Variants in SLC16A7 observed in about 807,000 individuals in gnomAD.
SLC16A7 encodes monocarboxylate transporter 2.
A neutral mutation model predicts 34.9 loss-of-function variants in SLC16A7; 33 were observed. That is an observed-to-expected ratio of 0.94 (90% CI 0.72 to 1.26). The LOEUF (loss-of-function observed/expected upper bound fraction) is 1.26, where lower values mean the gene tolerates loss of function less well. Among genes scored for constraint, SLC16A7 ranks in the 50% most tolerant of loss-of-function variants. The pLI is 0.00. For missense variants in SLC16A7, 573 were observed against 578.1 expected, an observed-to-expected ratio of 0.99 and a Z score of 0.09; for synonymous variants, 201 against 206.6, an observed-to-expected ratio of 0.97 and a Z score of 0.23.
intron 1 of SLC16A7, among the ~76,000 whole-genome samples, chr12:59,635,279 A>G (rs1187310277): frequency 2.0e-5 from 3 of 152,066 alleles, no homozygotes; most frequent in Non-Finnish European, 4.4e-5. Context: ...ATATACAGGT[A>G]CAAAATGTAC....
intron 3 of SLC16A7, among the ~76,000 whole-genome samples, chr12:59,733,505 T>G (rs1877205194): frequency 6.6e-6 from 1 of 152,104 alleles, no homozygotes; most frequent in African/African-American, 2.4e-5. Context: ...GCTTCTACTG[T>G]GGGCACTGGG....
At chr12:59,772,163 T>C (rs1882296896) in intron 4 of SLC16A7, among the ~76,000 whole-genome samples, 1 of 152,134 alleles carries the variant, frequency 6.6e-6, no homozygotes, top group Admixed American at 6.6e-5. Flanking sequence ...AAGGCAAACA[T>C]ATTTACACTC....
chr12:59,647,497 C>T (rs961558505), intron 1 of SLC16A7, among the ~76,000 whole-genome samples: 1 of 152,140 alleles, frequency 6.6e-6, no homozygotes, highest in Non-Finnish European at 1.5e-5. Context: ...TCAATTAAAC[C>T]TCTTTCCTTT....
intron 2 of SLC16A7, chr12:59,664,861 G>T (rs1869063693): frequency 6.6e-6 from 1 of 152,164 alleles, no homozygotes; most frequent in Non-Finnish European, 1.5e-5. Context: ...TTTGCTTGTG[G>T]CTAAAAGTTA....
intron 3 of SLC16A7, chr12:59,761,215 G>T: frequency 2.7e-6 from 3 of 1,122,410 alleles, no homozygotes; most frequent in Non-Finnish European, 3.6e-6. Context: ...ACATGAAACT[G>T]TATTGTTAAA....
chr12:59,687,215 G>C lies in SLC16A7; in HGVS notation c.-30-17557G>C, dbSNP rs146381520. Among the ~76,000 whole-genome samples the C allele has an allele frequency of 2.4e-3, 369 of 151,966 alleles. 1 individual carries two copies. The highest frequency in any genetic ancestry group is 7.4e-3 in the African/African-American group (309 of 41,480). ...ATCTTTTACCAGGCTAAAGCTAAGT[G>C]GGGGGTGGGGGCAGAAAATATCTTT... On this transcript the variant is annotated intron_variant, in intron 2 of 5. Coordinates refer to ENST00000547379, the MANE Select transcript of SLC16A7 (RefSeq NM_001270623.2).
At chr12:59,709,847 C>T (rs1434137245) in intron 3 of SLC16A7, among the ~76,000 whole-genome samples, 3 of 151,762 alleles carry the variant, frequency 2.0e-5, no homozygotes, top group African/African-American at 2.4e-5. Context: ...CCCAGCTTTC[C>T]TCCCCTTAGG....
intron 3 of SLC16A7, among the ~76,000 whole-genome samples, chr12:59,752,257 A>C (rs1366676645): frequency 6.6e-6 from 1 of 152,238 alleles, no homozygotes; most frequent in Admixed American, 6.5e-5. Context: ...TGGACGGAGA[A>C]TGACTTTGAC....
In SLC16A7 at chr12:59,614,591, T is replaced by C. The variant is rs368298913; in HGVS notation, c.-130+18355T>C. Among the ~76,000 whole-genome samples the C allele has an allele frequency of 4.9e-4, 75 of 151,990 alleles. 2 individuals are homozygous for C. The South Asian group carries it at 0.015, about 30-fold the overall frequency. ...GTCTTTTTCAAAATCTACATGTTGA[T>C]GATTAATGGCCATTGTGATAGCAAT... is the stretch of plus-strand genomic sequence containing the variant. On this transcript the variant is annotated intron_variant, in intron 1 of 5. Transcript: ENST00000547379.
chr12:59,610,709 G>A (rs1459556797), intron 1 of SLC16A7, among the ~76,000 whole-genome samples: 2 of 152,154 alleles, frequency 1.3e-5, no homozygotes, highest in Non-Finnish European at 2.9e-5. Flanking sequence ...CCTCTGATAG[G>A]AAACATAAAG....
At chr12:59,622,696 G>A (rs905415008) in intron 1 of SLC16A7, among the ~76,000 whole-genome samples, 19 of 151,606 alleles carry the variant, frequency 1.3e-4, no homozygotes, top group African/African-American at 3.6e-4. Flanking sequence ...AGCACTGTTC[G>A]AAACATTTTT....
chr12:59,660,578 G>A (rs929972095), intron 2 of SLC16A7, among the ~76,000 whole-genome samples: 6 of 151,714 alleles, frequency 4.0e-5, no homozygotes, highest in Non-Finnish European at 5.9e-5. Context: ...TCCAGGGATA[G>A]TGGCATGTAT....
At chr12:59,675,782 A>G (rs536313339) in intron 2 of SLC16A7, among the ~76,000 whole-genome samples, 116 of 152,276 alleles carry the variant, frequency 7.6e-4, no homozygotes, top group Non-Finnish European at 1.3e-3. Flanking sequence ...GAACACTTTT[A>G]GAAAAAAAAT....
intron 3 of SLC16A7, among the ~76,000 whole-genome samples, chr12:59,760,870 C>T (rs1880939046): frequency 6.6e-6 from 1 of 152,012 alleles, no homozygotes; most frequent in African/African-American, 2.4e-5. Context: ...GTAACTGAAA[C>T]GCTGAAAGTG....
intron 1 of SLC16A7, among the ~76,000 whole-genome samples, chr12:59,621,315 G>A (rs1012244269): frequency 6.6e-6 from 1 of 151,854 alleles, no homozygotes. Context: ...AACCCCATCC[G>A]AAAGCTGAAG....
At chr12:59,749,458 C>CA (rs956527588) in intron 3 of SLC16A7, among the ~76,000 whole-genome samples, 39 of 152,224 alleles carry the variant, frequency 2.6e-4, no homozygotes, top group African/African-American at 8.2e-4. Flanking sequence ...AATTCAGTGC[C>CA]AAAGGTGTCG....
intron 2 of SLC16A7, among the ~76,000 whole-genome samples, chr12:59,686,274 G>A (rs1871163153): frequency 6.6e-6 from 1 of 151,830 alleles, no homozygotes; most frequent in Admixed American, 6.6e-5. Context: ...GCCGATAAGA[G>A]AACTATTTTA....
At chr12:59,637,379 T>C (rs1381126853) in intron 1 of SLC16A7, among the ~76,000 whole-genome samples, 1 of 152,078 alleles carries the variant, frequency 6.6e-6, no homozygotes, top group Non-Finnish European at 1.5e-5. Flanking sequence ...TAATCTGATA[T>C]TTTAGAGTGA....
Position 59,664,145 on chromosome 12 carries a change from A to G in SLC16A7, c.-31+8895A>G, listed in dbSNP as rs115028028. On this transcript the variant is annotated intron_variant, in intron 2 of 5. Transcript: ENST00000547379. The stretch of plus-strand genomic sequence containing the variant: ...CAAAACGCTGAGCTTCAGTGTCCCC[A>G]TAGGAAAATATTTATCATAATGTCT... Among the ~76,000 whole-genome samples the G allele has an allele frequency of 2.6e-3, 392 of 152,240 alleles. 2 individuals are homozygous for G. Among genetic ancestry groups the G allele is most frequent in the Middle Eastern group, 0.017 (5 of 294 alleles).
Sources: allele counts gnomAD v4.1 joint callset (sites outside exome capture counted in the v4.1 genomes callset), GRCh38; gene constraint gnomAD v4.1.1; transcripts MANE v1.5; gene names NCBI Gene and HGNC (gene_info 2026-07-23, HGNC 2026-07-21).